MACO1: variants seen among roughly 807,000 people sequenced by gnomAD.
The protein encoded by MACO1 is macoilin.
A neutral mutation model predicts 78.7 loss-of-function variants in MACO1; 14 were observed. The observed-to-expected ratio is 0.18, with a 90% CI of 0.12 to 0.28. MACO1 has a LOEUF of 0.28. Among genes scored for constraint, MACO1 ranks in the 10% least tolerant of loss-of-function variants. The probability of loss-of-function intolerance (pLI) is 1.00; values close to 1 mark genes in which losing one functional copy is unlikely to be tolerated. For missense variants in MACO1, 501 were observed against 799.0 expected, an observed-to-expected ratio of 0.63 and a Z score of 4.50; for synonymous variants, 288 against 291.6, an observed-to-expected ratio of 0.99 and a Z score of 0.12.
chr1:25,491,896 G>A (rs958348517), intron 10 of MACO1, among the ~76,000 whole-genome samples: 1 of 152,186 alleles, frequency 6.6e-6, no homozygotes, highest in African/African-American at 2.4e-5. Context: ...AAGTATATAC[G>A]GGGCCTGAGG....
Position 25,475,798 on chromosome 1 carries a change from C to T in MACO1, c.1155-8318C>T, listed in dbSNP as rs1389956648. ...AGATAACCACTATTTTATATCCTCC[C>T]AGCATTTTTCTCTTGCATATATATT... On this transcript the variant is annotated intron_variant, in intron 6 of 10. Transcript: ENST00000374343. Among the ~76,000 whole-genome samples the T allele has an allele frequency of 2.0e-5, 3 of 152,216 alleles. No homozygotes were observed. The East Asian group carries it at 5.8e-4, about 29-fold the overall frequency.
chr1:25,483,992 C>G (rs1169021666), intron 6 of MACO1, 124 bp from the exon 7 acceptor site: 3 of 949,446 alleles, frequency 3.2e-6, no homozygotes, highest in African/African-American at 3.3e-5. Flanking sequence ...CTCATCATGG[C>G]AGGAACTGCC....
At chr1:25,471,156 T>C (rs956194581) in intron 6 of MACO1, among the ~76,000 whole-genome samples, 3 of 152,048 alleles carry the variant, frequency 2.0e-5, no homozygotes, top group African/African-American at 4.8e-5. Context: ...CTTGCCAACA[T>C]GGCAAAACTC....
At chr1:25,439,687 CAAA>C (rs1302034922) in intron 1 of MACO1, among the ~76,000 whole-genome samples, 1 of 129,666 alleles carries the variant, frequency 7.7e-6, no homozygotes, top group Admixed American at 7.8e-5. Context: ...TTTTTTTTGT[CAAA>C]AAATTTTTTT....
chr1:25,486,212 G>C (rs1199516033), intron 8 of MACO1, among the ~76,000 whole-genome samples: 1 of 152,108 alleles, frequency 6.6e-6, no homozygotes, highest in African/African-American at 2.4e-5. Context: ...TAAAATGGAA[G>C]AAAGATAAAA....
intron 4 of MACO1, among the ~76,000 whole-genome samples, chr1:25,455,129 A>T (rs961303434): frequency 6.6e-6 from 1 of 152,244 alleles, no homozygotes; most frequent in Non-Finnish European, 1.5e-5. Context: ...GAAGGTCTTG[A>T]TGAAATATAT....
At chr1:25,479,509 C>T (rs1481628359) in intron 6 of MACO1, among the ~76,000 whole-genome samples, 1 of 152,006 alleles carries the variant, frequency 6.6e-6, no homozygotes, top group Admixed American at 6.6e-5. Context: ...TGCCTCCTGA[C>T]TTCAAGCGAT....
Position 25,498,439 on chromosome 1 carries a change from C to T in MACO1, c.1968C>T (p.Ala656=), listed in dbSNP as rs760303903. 1.2e-6 allele frequency: 2 copies of T among 1,612,814 alleles called. No individual in the cohort carries two copies. Among genetic ancestry groups the T allele is most frequent in the East Asian group, 4.5e-5 (2 of 44,882 alleles). Residue 656 remains alanine (A), a synonymous_variant, in exon 11 of 11, where the codon GCC becomes GCT. Coordinates refer to ENST00000374343, the MANE Select transcript of MACO1 (RefSeq NM_018202.6). ...GCCCCTCTGGACTTGACCCCAATGC[C>T]TCTGTTTACCAGCCCCTGAAGAAAT... ...ETSPSGLDPN[A]SVYQPLKK is the part of the protein sequence containing the mutation.
chr1:25,467,854 G>T (rs2043233138), intron 6 of MACO1, among the ~76,000 whole-genome samples: 1 of 151,804 alleles, frequency 6.6e-6, no homozygotes, highest in African/African-American at 2.4e-5. Context: ...TACATGGCTG[G>T]TGTGGGTGAC....
Position 25,498,255 on chromosome 1 carries a change from A to C in MACO1, c.1793-9A>C. On this transcript the variant is annotated splice_polypyrimidine_tract_variant and intron_variant, in intron 10 of 10. Coordinates refer to ENST00000374343, the MANE Select transcript of MACO1 (RefSeq NM_018202.6). ...CCTTTTCACTAATGGTGGGTCTTTGATCTTACAGGACAAATCCTTCAGAAA... is the reference window on the plus strand; with the variant it reads ...CCTTTTCACTAATGGTGGGTCTTTGCTCTTACAGGACAAATCCTTCAGAAA... 1 of 1,614,006 alleles carries C rather than the reference A, an allele frequency of 6.2e-7. No homozygotes were observed. The highest frequency in any genetic ancestry group is 1.1e-5 in the South Asian group (1 of 91,072).
Position 25,463,181 on chromosome 1 carries a change from C to T in MACO1, c.1154+4289C>T, listed in dbSNP as rs755262051. On this transcript the variant is annotated intron_variant, in intron 6 of 10. Coordinates refer to ENST00000374343, the MANE Select transcript of MACO1 (RefSeq NM_018202.6). Reference sequence around the variant, plus strand: ...TCTCTTCATTTTTAATATCTCTCTACAAAAATAGAGTGCTTAGTGAATGTT... The same window carrying T: ...TCTCTTCATTTTTAATATCTCTCTATAAAAATAGAGTGCTTAGTGAATGTT... Among the ~76,000 whole-genome samples, 16 of 152,088 alleles carry T rather than the reference C, an allele frequency of 1.1e-4. 1 individual carries two copies. The highest frequency in any genetic ancestry group is 2.2e-4 in the African/African-American group (9 of 41,414).
At chr1:25,487,383 C>T (rs1468320922) in intron 8 of MACO1, among the ~76,000 whole-genome samples, 7 of 152,134 alleles carry the variant, frequency 4.6e-5, no homozygotes, top group Non-Finnish European at 7.3e-5. Context: ...GAACTCCTGA[C>T]CTCAGGTGAT....
intron 6 of MACO1, among the ~76,000 whole-genome samples, chr1:25,461,441 A>G (rs1050415925): frequency 1.3e-5 from 2 of 152,066 alleles, no homozygotes; most frequent in Admixed American, 6.5e-5. Context: ...TGGACCTTCT[A>G]TTTACTGTCT....
intron 1 of MACO1, among the ~76,000 whole-genome samples, chr1:25,439,605 A>G (rs1446682253): frequency 1.3e-5 from 2 of 151,852 alleles, no homozygotes; most frequent in Non-Finnish European, 2.9e-5. Flanking sequence ...TTATACAAGG[A>G]GGTGCCTGCA....
At chr1:25,477,301 A>G (rs2043328954) in intron 6 of MACO1, among the ~76,000 whole-genome samples, 1 of 152,238 alleles carries the variant, frequency 6.6e-6, no homozygotes, top group African/African-American at 2.4e-5. Context: ...GAGGTAACAT[A>G]GTAAAAGGCA....
rs1571992239 is a variant in MACO1, at chr1:25,492,102, A to G, written c.1792+518A>G. On this transcript the variant is annotated intron_variant, in intron 10 of 10. Transcript: ENST00000374343. Reference sequence around the variant, plus strand: ...AAGGGCTGGGAGCTAGTGGGACTTGATGTGTTCCAAGCTGCAGCCAGCCTG... The same window carrying G: ...AAGGGCTGGGAGCTAGTGGGACTTGGTGTGTTCCAAGCTGCAGCCAGCCTG... 3.3e-5 allele frequency among the ~76,000 whole-genome samples: 5 copies of G among 152,098 alleles called. No homozygotes were observed. In the South Asian group the frequency reaches 1.0e-3, roughly 32 times the overall value.
chr1:25,438,674 G>A (rs2042941052), intron 1 of MACO1, among the ~76,000 whole-genome samples: 1 of 152,136 alleles, frequency 6.6e-6, no homozygotes, highest in African/African-American at 2.4e-5. Flanking sequence ...AGGTCGAGGC[G>A]GGTGGATCAC....
intron 6 of MACO1, among the ~76,000 whole-genome samples, chr1:25,477,457 C>G (rs1245360827): frequency 6.6e-6 from 1 of 152,176 alleles, no homozygotes; most frequent in African/African-American, 2.4e-5. Context: ...AGGGTAAATT[C>G]TGTATTGCAG....
At chr1:25,445,752 C>A (rs1415097940) in intron 1 of MACO1, among the ~76,000 whole-genome samples, 1 of 151,932 alleles carries the variant, frequency 6.6e-6, no homozygotes, top group East Asian at 1.9e-4. Context: ...ATTTGTATTA[C>A]AAAATACCGT....
Sources: gnomAD v4.1 joint callset for allele counts (sites outside exome capture counted in the v4.1 genomes callset) on GRCh38, gnomAD v4.1.1 for gene constraint, MANE v1.5 for transcripts, NCBI Gene and HGNC (gene_info 2026-07-23, HGNC 2026-07-21) for gene names.